The following BLTP1 variants were observed in gnomAD, a reference collection of about 807,000 sequenced individuals.
BLTP1 encodes the protein bridge-like lipid transfer protein family member 1, also known as fragile site-associated protein.
the BLTP1 span, chr4:122,340,947 C>A: frequency 1.8e-6 from 1 of 569,530 alleles, no homozygotes; most frequent in Non-Finnish European, 2.2e-6. Flanking sequence ...TTTTCCAAGG[C>A]AAAAATTGAA....
At chr4:122,219,112 A>ACCTCCT in the BLTP1 span, 1 of 982,960 alleles carries the variant, frequency 1.0e-6, no homozygotes, top group African/African-American at 1.7e-5. Context: ...TTTTTCTATA[A>ACCTCCT]AATAGGCTCT....
At chr4:122,327,677 T>C in the BLTP1 span, among the ~76,000 whole-genome samples, 5 of 150,414 alleles carry the variant, frequency 3.3e-5, no homozygotes, top group African/African-American at 1.2e-4. Context: ...AAGCATCTAC[T>C]AGCATTTAAA....
At chr4:122,194,023 C>T in the BLTP1 span, among the ~76,000 whole-genome samples, 684 of 152,042 alleles carry the variant, frequency 4.5e-3, 3 homozygotes, top group African/African-American at 0.014. Flanking sequence ...CCACTACGCC[C>T]GGCTAATTTT....
At chr4:122,344,557 A>G in the BLTP1 span, 1 of 1,580,298 alleles carries the variant, frequency 6.3e-7, no homozygotes, top group Non-Finnish European at 8.7e-7. Flanking sequence ...TAATAAATAT[A>G]TCTGGTACTC....
chr4:122,336,017 C>T, the BLTP1 span: 6 of 492,008 alleles, frequency 1.2e-5, no homozygotes, highest in African/African-American at 2.0e-5. Flanking sequence ...TGTTATTAAT[C>T]GCCTCTGTAT....
the BLTP1 span, among the ~76,000 whole-genome samples, chr4:122,159,387 C>T: frequency 8.6e-5 from 13 of 151,100 alleles, no homozygotes; most frequent in South Asian, 6.3e-4. Flanking sequence ...CGCTTGGACC[C>T]GGGAGGCGGA....
At chr4:122,170,902 C>G in the BLTP1 span, among the ~76,000 whole-genome samples, 1 of 152,006 alleles carries the variant, frequency 6.6e-6, no homozygotes, top group African/African-American at 2.4e-5. Flanking sequence ...AACATTTGTT[C>G]TGGAAACTGC....
the BLTP1 span, chr4:122,247,674 G>T: frequency 2.0e-5 from 22 of 1,075,894 alleles, 1 homozygote; most frequent in African/African-American, 3.5e-4. Context: ...GAGAAGACAT[G>T]ATCTTTATAG....
the BLTP1 span, among the ~76,000 whole-genome samples, chr4:122,167,103 C>T: frequency 6.6e-6 from 1 of 152,112 alleles, no homozygotes; most frequent in Admixed American, 6.6e-5. Context: ...TTTTCTGCTC[C>T]TTTTTATTGA....
chr4:122,210,983 C>T, the BLTP1 span: 6 of 1,613,804 alleles, frequency 3.7e-6, no homozygotes, highest in Non-Finnish European at 5.1e-6. Context: ...TCACGCCCAC[C>T]TATTGATCCC....
the BLTP1 span, chr4:122,225,779 T>C: frequency 6.6e-6 from 1 of 152,154 alleles, no homozygotes. Flanking sequence ...TCACTGGTCT[T>C]GTAACTGTCC....
the BLTP1 span, among the ~76,000 whole-genome samples, chr4:122,351,951 C>T: frequency 5.3e-5 from 8 of 152,096 alleles, no homozygotes; most frequent in South Asian, 2.1e-4. Context: ...GGAAAATAAA[C>T]GTTGTATGTT....
At chr4:122,346,607 G>T in the BLTP1 span, 1 of 1,608,900 alleles carries the variant, frequency 6.2e-7, no homozygotes, top group Non-Finnish European at 8.5e-7. Context: ...ACTAACAAAT[G>T]TTATTTATGT....
At chr4:122,339,445 C>A in the BLTP1 span, 4 of 1,429,754 alleles carry the variant, frequency 2.8e-6, no homozygotes, top group African/African-American at 1.4e-5. Flanking sequence ...TAGTATAAAG[C>A]CAAATACTAT....
chr4:122,325,237 G>A, the BLTP1 span: 23 of 1,602,528 alleles, frequency 1.4e-5, no homozygotes, highest in Non-Finnish European at 1.9e-5. Flanking sequence ...CAGTTCTCGA[G>A]TAGGAGAAAC....
At chr4:122,254,093 C>A in the BLTP1 span, 1 of 1,074,986 alleles carries the variant, frequency 9.3e-7, no homozygotes, top group Non-Finnish European at 1.3e-6. Flanking sequence ...CTTTCCCAGA[C>A]TTGATTTGAT....
At chr4:122,255,954 C>A in the BLTP1 span, 1 of 594,718 alleles carries the variant, frequency 1.7e-6, no homozygotes, top group Non-Finnish European at 2.1e-6. Flanking sequence ...AGAGAATAAT[C>A]ACCAGAGCCA....
chr4:122,217,684 A>C, the BLTP1 span, among the ~76,000 whole-genome samples: 3 of 151,750 alleles, frequency 2.0e-5, no homozygotes, highest in Non-Finnish European at 4.4e-5. Context: ...TTCCTTTTTT[A>C]AATGTCTTTT....
the BLTP1 span, chr4:122,347,301 T>C: frequency 2.2e-6 from 2 of 924,368 alleles, no homozygotes; most frequent in African/African-American, 3.6e-5. Context: ...CCCTCACCTG[T>C]AAACTGAGAC....
Sources: gnomAD v4.1 joint callset for allele counts (sites outside exome capture counted in the v4.1 genomes callset) on GRCh38, gnomAD v4.1.1 for gene constraint, MANE v1.5 for transcripts, NCBI Gene and HGNC (gene_info 2026-07-23, HGNC 2026-07-21) for gene names.